The following UBASH3B variants were observed in gnomAD, a reference collection of about 807,000 sequenced individuals.
The protein encoded by UBASH3B is ubiquitin-associated and SH3 domain-containing protein B.
Under a neutral mutation model 83.4 loss-of-function variants are expected in UBASH3B, and 37 were observed. That is an observed-to-expected ratio of 0.44 (90% CI 0.34 to 0.58). The LOEUF (loss-of-function observed/expected upper bound fraction) is 0.58, where lower values mean the gene tolerates loss of function less well. UBASH3B is among the 20% of genes least tolerant of loss of function. The probability of loss-of-function intolerance (pLI) is 0.01; values close to 1 mark genes in which losing one functional copy is unlikely to be tolerated. For synonymous variants in UBASH3B, 304 were observed against 318.3 expected, an observed-to-expected ratio of 0.96 and a Z score of 0.48; for missense variants, 657 against 827.2, an observed-to-expected ratio of 0.79 and a Z score of 2.52.
At chr11:122,715,893 G>A (rs891085722) in intron 1 of UBASH3B, among the ~76,000 whole-genome samples, 3 of 152,226 alleles carry the variant, frequency 2.0e-5, no homozygotes, top group African/African-American at 7.2e-5. Flanking sequence ...GGACTAGAGG[G>A]TCATGGTGTT....
At chr11:122,680,061 C>G (rs977619148) in intron 1 of UBASH3B, among the ~76,000 whole-genome samples, 13 of 152,146 alleles carry the variant, frequency 8.5e-5, no homozygotes, top group Non-Finnish European at 1.9e-4. Context: ...GAACTCCTGA[C>G]CTCAAGTGAT....
Position 122,655,790 on chromosome 11 carries a change from C to A in UBASH3B, c.-260C>A. 2.4e-6 allele frequency: 1 copy of A among 417,114 alleles called. No homozygotes were observed. The highest frequency in any genetic ancestry group is 5.2e-5 in the South Asian group (1 of 19,220). 25.8% of individuals were successfully genotyped at this position (417,114 alleles called of 1,614,324 possible). ...GGAGGAGACAGGGCTACTGCAGGCG[C>A]AGAGCTGGGGGCAGCCGGGGGCCCG... On this transcript the variant is annotated 5_prime_UTR_variant, in exon 1 of 14. Coordinates refer to ENST00000284273, the MANE Select transcript of UBASH3B (RefSeq NM_032873.5).
intron 1 of UBASH3B, among the ~76,000 whole-genome samples, chr11:122,771,447 G>T (rs973033847): frequency 6.6e-6 from 1 of 152,086 alleles, no homozygotes; most frequent in African/African-American, 2.4e-5. Context: ...CACCATGTTG[G>T]TCAGGCTGGT....
At chr11:122,765,529 A>C (rs568058611) in intron 1 of UBASH3B, among the ~76,000 whole-genome samples, 2 of 152,288 alleles carry the variant, frequency 1.3e-5, no homozygotes, top group East Asian at 3.9e-4. Flanking sequence ...CTGCTTGCTC[A>C]CACCCCTCCA....
chr11:122,803,601 A>T (rs1291122640), intron 11 of UBASH3B, among the ~76,000 whole-genome samples: 1 of 152,132 alleles, frequency 6.6e-6, no homozygotes, highest in Non-Finnish European at 1.5e-5. Context: ...GCAAGGCAGA[A>T]AAAACAAAAT....
At chr11:122,723,520 G>C (rs796618117) in intron 1 of UBASH3B, among the ~76,000 whole-genome samples, 2 of 152,216 alleles carry the variant, frequency 1.3e-5, no homozygotes, top group African/African-American at 4.8e-5. Context: ...AAATTCATCT[G>C]TTCTTCCCTG....
At chr11:122,688,630 A>C (rs59742529) in intron 1 of UBASH3B, among the ~76,000 whole-genome samples, 18,317 of 83,006 alleles carry the variant, frequency 0.22, 1,843 homozygotes, top group African/African-American at 0.34. Flanking sequence ...TCTTTCTTTT[A>C]TTTTATTTTA....
chr11:122,786,072 C>T (rs1050461063), intron 5 of UBASH3B, among the ~76,000 whole-genome samples: 3 of 152,024 alleles, frequency 2.0e-5, no homozygotes, highest in East Asian at 2.0e-4. Context: ...TTTGTTGAGA[C>T]GGAGTCTTAC....
At chr11:122,809,010 T>C (rs1261322894) in intron 13 of UBASH3B, among the ~76,000 whole-genome samples, 2 of 151,544 alleles carry the variant, frequency 1.3e-5, no homozygotes, top group Non-Finnish European at 2.9e-5. Flanking sequence ...TTTTTTCAAA[T>C]TGAAAAATAT....
chr11:122,723,727 G>C (rs549923230), intron 1 of UBASH3B, among the ~76,000 whole-genome samples: 2 of 152,346 alleles, frequency 1.3e-5, no homozygotes, highest in South Asian at 4.1e-4. Context: ...GGCTTAGAGA[G>C]TTAGTGGTAA....
chr11:122,751,487 G>A (rs1045499568), intron 1 of UBASH3B, among the ~76,000 whole-genome samples: 1 of 152,172 alleles, frequency 6.6e-6, no homozygotes, highest in African/African-American at 2.4e-5. Flanking sequence ...CCAGCAGCCG[G>A]CTTCAGGGCC....
chr11:122,657,769 T>C (rs954341865), intron 1 of UBASH3B, among the ~76,000 whole-genome samples: 119 of 152,264 alleles, frequency 7.8e-4, no homozygotes, highest in African/African-American at 2.7e-3. Flanking sequence ...GACTTCCTAA[T>C]ACTAGGGCTC....
intron 11 of UBASH3B, 107 bp downstream of exon 11, chr11:122,801,439 A>T: frequency 1.6e-6 from 2 of 1,254,856 alleles, no homozygotes; most frequent in South Asian, 3.0e-5. Context: ...ACCTACAGGC[A>T]GTTGTCCATA....
intron 1 of UBASH3B, among the ~76,000 whole-genome samples, chr11:122,679,703 G>A (rs1184113453): frequency 6.6e-6 from 1 of 152,142 alleles, no homozygotes; most frequent in Non-Finnish European, 1.5e-5. Flanking sequence ...TAGCAGACAT[G>A]GATGATATAT....
chr11:122,744,743 T>C (rs116704996), intron 1 of UBASH3B, among the ~76,000 whole-genome samples: 4 of 152,026 alleles, frequency 2.6e-5, no homozygotes, highest in South Asian at 4.2e-4. Context: ...TTGTGTGTGA[T>C]TGTGTCAGTG....
chr11:122,766,562 A>G (rs1005297423), intron 1 of UBASH3B, among the ~76,000 whole-genome samples: 5 of 151,256 alleles, frequency 3.3e-5, no homozygotes, highest in African/African-American at 4.9e-5. Flanking sequence ...AAATAATAAT[A>G]ATAAATAAAT....
At chr11:122,658,039 G>A (rs1863386881) in intron 1 of UBASH3B, among the ~76,000 whole-genome samples, 1 of 151,990 alleles carries the variant, frequency 6.6e-6, no homozygotes, top group Admixed American at 6.6e-5. Context: ...AGCTGGGTGG[G>A]GTGGTGCATG....
chr11:122,709,527 G>A (rs1864164290), intron 1 of UBASH3B: 1 of 152,220 alleles, frequency 6.6e-6, no homozygotes, highest in Non-Finnish European at 1.5e-5. Flanking sequence ...ACATGTGTGG[G>A]TGTTGGAGTG....
intron 1 of UBASH3B, among the ~76,000 whole-genome samples, chr11:122,697,428 A>C (rs7101645): frequency 0.85 from 129,690 of 152,152 alleles, 55,519 homozygotes; most frequent in East Asian, 0.95. Flanking sequence ...GAGCAAAACT[A>C]CGTCTCAAAT....
Sources: gnomAD v4.1 joint callset for allele counts (sites outside exome capture counted in the v4.1 genomes callset) on GRCh38, gnomAD v4.1.1 for gene constraint, MANE v1.5 for transcripts, NCBI Gene and HGNC (gene_info 2026-07-23, HGNC 2026-07-21) for gene names.